NAALADL2: variants seen among roughly 807,000 people sequenced by gnomAD.
NAALADL2 encodes the protein inactive N-acetylated-alpha-linked acidic dipeptidase-like protein 2.
Under a neutral mutation model 87.2 loss-of-function variants are expected in NAALADL2, and 76 were observed. That is an observed-to-expected ratio of 0.87 (90% CI 0.72 to 1.05). NAALADL2 has a LOEUF of 1.05. Among genes scored for constraint, NAALADL2 ranks in the 50% least tolerant of loss-of-function variants. The pLI is 0.00. For synonymous variants in NAALADL2, 354 were observed against 331.0 expected (o/e 1.07, Z -0.75); for missense variants, 1,089 against 945.8 (o/e 1.15, Z -1.99).
chr3:174,647,788 A>G (rs1168261205), intron 2 of NAALADL2, among the ~76,000 whole-genome samples: 1 of 152,162 alleles, frequency 6.6e-6, no homozygotes, highest in Non-Finnish European at 1.5e-5. Context: ...TTCTTCTTTC[A>G]TCTGTTTAAA....
intron 1 of NAALADL2, among the ~76,000 whole-genome samples, chr3:175,036,473 C>T (rs940118141): frequency 3.3e-5 from 5 of 151,800 alleles, no homozygotes; most frequent in Non-Finnish European, 5.9e-5. Flanking sequence ...GATCTCAGCT[C>T]ACTTCAAGCT....
At chr3:174,705,782 C>A (rs1378419824) in intron 2 of NAALADL2, among the ~76,000 whole-genome samples, 1,416 of 113,850 alleles carry the variant, frequency 0.012, no homozygotes, top group African/African-American at 0.013. Context: ...GACTCCGTCT[C>A]AAAAAAAAAA....
chr3:174,656,358 G>A (rs1724926389), intron 2 of NAALADL2, among the ~76,000 whole-genome samples: 1 of 152,178 alleles, frequency 6.6e-6, no homozygotes, highest in Non-Finnish European at 1.5e-5. Flanking sequence ...AGACACTCTA[G>A]TATGACTGCA....
intron 11 of NAALADL2, among the ~76,000 whole-genome samples, chr3:175,708,580 G>A (rs1740066257): frequency 6.6e-6 from 1 of 151,200 alleles, no homozygotes; most frequent in African/African-American, 2.4e-5. Context: ...GATTATTTCT[G>A]ACTGGTAACA....
intron 2 of NAALADL2, among the ~76,000 whole-genome samples, chr3:174,721,922 C>G (rs1393499200): frequency 6.6e-6 from 1 of 152,148 alleles, no homozygotes; most frequent in Admixed American, 6.5e-5. Flanking sequence ...TTCAGGACTA[C>G]CTAATACATT....
intron 2 of NAALADL2, among the ~76,000 whole-genome samples, chr3:175,200,636 T>C (rs1161151175): frequency 6.6e-6 from 1 of 152,178 alleles, no homozygotes; most frequent in Non-Finnish European, 1.5e-5. Context: ...TCACATCCAG[T>C]GAGACATGAA....
At chr3:174,862,750 G>A (rs1726653459) in intron 1 of NAALADL2, among the ~76,000 whole-genome samples, 1 of 152,158 alleles carries the variant, frequency 6.6e-6, no homozygotes, top group Admixed American at 6.6e-5. Context: ...GTGAGAGGAG[G>A]AATCTTTAAG....
chr3:175,728,451 A>G (rs560816336), intron 11 of NAALADL2, among the ~76,000 whole-genome samples: 1 of 152,256 alleles, frequency 6.6e-6, no homozygotes, highest in South Asian at 2.1e-4. Context: ...CCTCTCCTCT[A>G]TGGATACTGC....
intron 2 of NAALADL2, among the ~76,000 whole-genome samples, chr3:175,225,517 T>A (rs1185349333): frequency 1.3e-5 from 2 of 152,136 alleles, no homozygotes; most frequent in African/African-American, 4.8e-5. Flanking sequence ...ATCTTTGTGT[T>A]AATGACAAGA....
chr3:175,795,450 G>A (rs1490804482), intron 13 of NAALADL2, among the ~76,000 whole-genome samples: 1 of 151,598 alleles, frequency 6.6e-6, no homozygotes, highest in African/African-American at 2.4e-5. Context: ...GAGGTAAGTG[G>A]ATCACGAGGT....
intron 5 of NAALADL2, among the ~76,000 whole-genome samples, chr3:175,379,319 T>G (rs2148978594): frequency 6.6e-6 from 1 of 152,176 alleles, no homozygotes; most frequent in South Asian, 2.1e-4. Flanking sequence ...TACATACAGT[T>G]AAAACTATTA....
At chr3:175,324,627 A>C (rs556764279) in intron 5 of NAALADL2, among the ~76,000 whole-genome samples, 3 of 152,206 alleles carry the variant, frequency 2.0e-5, no homozygotes, top group Non-Finnish European at 4.4e-5. Flanking sequence ...ACCAGGTGTG[A>C]CAGGTACTCC....
chr3:175,110,738 G>C (rs1485870689), intron 2 of NAALADL2, among the ~76,000 whole-genome samples: 1 of 151,804 alleles, frequency 6.6e-6, no homozygotes, highest in African/African-American at 2.4e-5. Context: ...TAAGCAGAAA[G>C]ATAAATTTGG....
intron 3 of NAALADL2, among the ~76,000 whole-genome samples, chr3:175,242,938 A>G (rs1203604367): frequency 6.6e-6 from 1 of 152,196 alleles, no homozygotes; most frequent in African/African-American, 2.4e-5. Context: ...GTGTTCTGTA[A>G]GATAGACTGG....
chr3:174,780,877 T>C (rs1264012685), intron 3 of NAALADL2, among the ~76,000 whole-genome samples: 1 of 152,090 alleles, frequency 6.6e-6, no homozygotes. Context: ...GTACTGTTGA[T>C]GGTCTTTACA....
chr3:175,404,610 TCTTA>T (rs1336476272), intron 5 of NAALADL2, among the ~76,000 whole-genome samples: 1 of 152,036 alleles, frequency 6.6e-6, no homozygotes, highest in Non-Finnish European at 1.5e-5. Flanking sequence ...AGATTTAAAT[TCTTA>T]CTAAGTCGCA....
intron 1 of NAALADL2, among the ~76,000 whole-genome samples, chr3:174,992,276 A>C (rs1579910445): frequency 1.3e-5 from 2 of 152,068 alleles, no homozygotes; most frequent in African/African-American, 4.8e-5. Flanking sequence ...GTTACTGTAG[A>C]ATAAGTTCTG....
intron 1 of NAALADL2, among the ~76,000 whole-genome samples, chr3:174,899,245 AAGAC>A (rs1432460658): frequency 2.0e-5 from 3 of 152,184 alleles, no homozygotes; most frequent in Non-Finnish European, 4.4e-5. Context: ...TTAGAGAAGA[AAGAC>A]ATGAAAGAGA....
At chr3:174,467,134 G>A (rs1273945209) in intron 1 of NAALADL2, among the ~76,000 whole-genome samples, 1 of 151,998 alleles carries the variant, frequency 6.6e-6, no homozygotes, top group East Asian at 1.9e-4. Flanking sequence ...ATTGCTAATG[G>A]GAGTAAAAAG....
Sources: gnomAD v4.1 joint callset for allele counts (sites outside exome capture counted in the v4.1 genomes callset) on GRCh38, gnomAD v4.1.1 for gene constraint, MANE v1.5 for transcripts, NCBI Gene and HGNC (gene_info 2026-07-23, HGNC 2026-07-21) for gene names.